The following TRMT11 variants were observed in gnomAD, a reference collection of about 807,000 sequenced individuals.
TRMT11 encodes tRNA (guanine(10)-N(2))-methyltransferase TRMT11.
TRMT11 carries 53 observed loss-of-function variants against 62.8 expected under a neutral mutation model. The observed-to-expected ratio is 0.84, with a 90% CI of 0.68 to 1.06. The LOEUF (loss-of-function observed/expected upper bound fraction) is 1.06, where lower values mean the gene tolerates loss of function less well. Among genes scored for constraint, TRMT11 ranks in the 50% least tolerant of loss-of-function variants. The pLI is 0.00. For missense variants in TRMT11, 556 were observed against 553.4 expected, an observed-to-expected ratio of 1.00 and a Z score of -0.05; for synonymous variants, 188 against 190.3, an observed-to-expected ratio of 0.99 and a Z score of 0.10.
chr6:126,033,804 A>G (rs762271045), intron 12 of TRMT11, among the ~76,000 whole-genome samples: 22 of 152,132 alleles, frequency 1.4e-4, no homozygotes, highest in Non-Finnish European at 2.5e-4. Flanking sequence ...AAGGATTGCT[A>G]TGCTCCAGCC....
At chr6:126,022,948 C>G (rs1261079629) in intron 12 of TRMT11, among the ~76,000 whole-genome samples, 1 of 152,038 alleles carries the variant, frequency 6.6e-6, no homozygotes, top group African/African-American at 2.4e-5. Flanking sequence ...CATTCTATTT[C>G]TGTCATAATT....
chr6:126,004,638 AT>A (rs1209458071), intron 7 of TRMT11, among the ~76,000 whole-genome samples: 1 of 152,032 alleles, frequency 6.6e-6, no homozygotes, highest in African/African-American at 2.4e-5. Flanking sequence ...TTCACAAAAC[AT>A]TTGTTGATAT....
intron 21 of TRMT11, among the ~76,000 whole-genome samples, chr6:126,118,548 T>C (rs1268272951): frequency 6.6e-6 from 1 of 152,154 alleles, no homozygotes; most frequent in African/African-American, 2.4e-5. Flanking sequence ...GATGAAGTGA[T>C]ATTGTCTGGA....
chr6:126,174,291 C>T (rs1778361189), upstream of TRMT11, among the ~76,000 whole-genome samples: 1 of 152,196 alleles, frequency 6.6e-6, no homozygotes. Flanking sequence ...AGCAAAGGAA[C>T]AGTCTTATTT....
intron 1 of TRMT11, among the ~76,000 whole-genome samples, chr6:126,186,130 CTATAAT>C (rs754882506): frequency 5.9e-5 from 9 of 152,240 alleles, no homozygotes; most frequent in Admixed American, 3.3e-4. Flanking sequence ...ATTTGGAGCT[CTATAAT>C]TTTCTTGTCA....
intron 21 of TRMT11, among the ~76,000 whole-genome samples, chr6:126,118,136 C>T (rs1777610982): frequency 6.6e-6 from 1 of 152,068 alleles, no homozygotes; most frequent in African/African-American, 2.4e-5. Context: ...TTAAGTTCAT[C>T]CCAATTAAAA....
intron 17 of TRMT11, among the ~76,000 whole-genome samples, chr6:126,073,480 C>T (rs992507421): frequency 2.6e-5 from 4 of 151,804 alleles, no homozygotes; most frequent in East Asian, 3.9e-4. Context: ...TAATGGAGTC[C>T]GTTAATGGGA....
chr6:126,220,103 A>G, the TRMT11 span, among the ~76,000 whole-genome samples: 3 of 152,196 alleles, frequency 2.0e-5, no homozygotes, highest in African/African-American at 7.2e-5. Flanking sequence ...TGCAGAAGGG[A>G]AGACGGATGA....
intron 1 of TRMT11, among the ~76,000 whole-genome samples, chr6:126,195,197 A>C: frequency 6.6e-6 from 1 of 152,220 alleles, no homozygotes; most frequent in Admixed American, 6.5e-5. Context: ...CTTTTGGAAC[A>C]ATGTGTTTCC....
At chr6:126,266,347 A>T in the TRMT11 span, among the ~76,000 whole-genome samples, 48 of 152,316 alleles carry the variant, frequency 3.2e-4, no homozygotes, top group Middle Eastern at 3.4e-3. Flanking sequence ...GCATGTTCCT[A>T]TTCAGCATCA....
intron 12 of TRMT11, among the ~76,000 whole-genome samples, chr6:126,036,011 G>C (rs1283138358): frequency 6.6e-6 from 1 of 152,124 alleles, no homozygotes; most frequent in Non-Finnish European, 1.5e-5. Context: ...AATTGAGCCT[G>C]GGTCAGCTTG....
At chr6:126,070,381 T>C (rs1776817933) in intron 17 of TRMT11, among the ~76,000 whole-genome samples, 1 of 152,186 alleles carries the variant, frequency 6.6e-6, no homozygotes, top group Non-Finnish European at 1.5e-5. Flanking sequence ...CCCATATACC[T>C]GGTACTCTCA....
rs991003460 is a variant in TRMT11, at chr6:126,039,095, T to A, written c.*259T>A. ...CTGATGGAGATAGACTCAAAACAGT[T>A]ATTTTTTTACAATTAATCTACAAAG... On this transcript the variant is annotated 3_prime_UTR_variant, in exon 13 of 13. Coordinates refer to ENST00000334379, the MANE Select transcript of TRMT11 (RefSeq NM_001031712.3). 4.5e-4 allele frequency: 108 copies of A among 241,110 alleles called. No individual in the cohort carries two copies. The highest frequency in any genetic ancestry group is 2.3e-3 in the African/African-American group (102 of 44,656). The allele number at this position is 241,110 out of a possible 1,614,324, so 14.9% of individuals were successfully genotyped here. A position where few individuals can be genotyped will look rare whatever the true frequency, so the allele number is the denominator to read the frequency against.
chr6:125,991,936 A>G (rs895865244), intron 1 of TRMT11, among the ~76,000 whole-genome samples: 1 of 152,232 alleles, frequency 6.6e-6, no homozygotes. Context: ...AGTAGCTGAA[A>G]TAATAGAAAA....
chr6:126,184,939 T>C (rs976936418), intron 1 of TRMT11, among the ~76,000 whole-genome samples: 2 of 151,690 alleles, frequency 1.3e-5, no homozygotes, highest in Non-Finnish European at 2.9e-5. Flanking sequence ...CAGAAAGGAG[T>C]GACAGACCTG....
chr6:126,263,226 A>T, the TRMT11 span, among the ~76,000 whole-genome samples: 1 of 152,086 alleles, frequency 6.6e-6, no homozygotes, highest in African/African-American at 2.4e-5. Flanking sequence ...TTCCATATAG[A>T]TTATGAAACA....
At chr6:126,129,405 G>A (rs1324275075) in intron 21 of TRMT11, among the ~76,000 whole-genome samples, 2 of 152,130 alleles carry the variant, frequency 1.3e-5, no homozygotes, top group African/African-American at 4.8e-5. Context: ...CTACTTTGCT[G>A]AAAATGTTAG....
chr6:126,024,399 CTCTT>C (rs985811306), intron 12 of TRMT11, among the ~76,000 whole-genome samples: 3 of 152,150 alleles, frequency 2.0e-5, no homozygotes, highest in African/African-American at 7.2e-5. Context: ...CTTCTGGTGT[CTCTT>C]TCTCTTCTTT....
At chr6:126,171,681 G>C (rs1476649459) in intron 21 of TRMT11, among the ~76,000 whole-genome samples, 1 of 152,034 alleles carries the variant, frequency 6.6e-6, no homozygotes, top group Non-Finnish European at 1.5e-5. Context: ...TAATGTTGTA[G>C]TTTTAAAATC....
Sources: allele counts gnomAD v4.1 joint callset (sites outside exome capture counted in the v4.1 genomes callset), GRCh38; gene constraint gnomAD v4.1.1; transcripts MANE v1.5; gene names NCBI Gene and HGNC (gene_info 2026-07-23, HGNC 2026-07-21).